Variants in LRP11 observed in about 807,000 individuals in gnomAD.
LRP11 encodes LDL receptor related protein 11.
LRP11 carries 25 observed loss-of-function variants against 43.1 expected under a neutral mutation model. That is an observed-to-expected ratio of 0.58 (90% CI 0.42 to 0.81). The LOEUF is 0.81. Ranked by LOEUF, LRP11 falls within the 30% of genes least tolerant of loss-of-function variation. The pLI, the probability that LRP11 is intolerant of heterozygous loss-of-function variation, is 0.00. For missense variants in LRP11, 623 were observed against 665.1 expected (o/e 0.94, Z 0.70); for synonymous variants, 316 against 299.4 (o/e 1.06, Z -0.57).
chr6:149,842,785 C>T, intron 3 of LRP11, 198 bp downstream of exon 3: 1 of 1,269,446 alleles, frequency 7.9e-7, no homozygotes, highest in South Asian at 1.3e-5. Flanking sequence ...TCCTCCACCC[C>T]AACCCAGTAG....
Position 149,863,655 on chromosome 6 carries a change from C to T in LRP11, c.366G>A (p.Ala122=), listed in dbSNP as rs941464878. 3.4e-6 allele frequency: 5 copies of T among 1,473,582 alleles called. No individual in the cohort carries two copies. Among genetic ancestry groups the T allele is most frequent in the Non-Finnish European group, 4.5e-6 (5 of 1,119,174 alleles). The allele number at this position is 1,473,582 out of a possible 1,614,324, so 91.3% of individuals were successfully genotyped here. The change falls in exon 1 of 7, where the codon GCG becomes GCA. Residue 122 remains alanine (A), a synonymous_variant. Transcript: ENST00000239367. Reference sequence around the variant, plus strand: ...CGCATTGCCGCCAGCCCCGCACGGCCGCCGGCGCCCGCAGGAAGCTGGCAC... The same window carrying T: ...CGCATTGCCGCCAGCCCCGCACGGCTGCCGGCGCCCGCAGGAAGCTGGCAC... ...AAGASFLRAP[A]AVRGWRQCVA...
chr6:149,825,657 AT>A (rs3036632), intron 6 of LRP11, among the ~76,000 whole-genome samples: 3,364 of 141,484 alleles, frequency 0.024, 95 homozygotes, highest in African/African-American at 0.072. Flanking sequence ...GTAAGTGAGA[AT>A]TTTTTTTTTT....
In LRP11 at chr6:149,863,960, C is replaced by T; in HGVS notation, c.61G>A (p.Ala21Thr). Residue 21 changes from alanine (A) to threonine (T), a missense_variant, in exon 1 of 7, where the codon GCG becomes ACG. Physicochemically the swap from Ala to Thr is moderately conservative, Grantham distance 58. Transcript: ENST00000239367. ...SQRRLPPRHGALRGLLLLCLW... is the reference protein window; with the variant it reads ...SQRRLPPRHGTLRGLLLLCLW... Reference sequence around the variant, plus strand: ...CAGAGCAGTAGCAGCCCGCGCAGCGCCCCGTGACGCGGCGGTAGCCGGCGC... The same window carrying T: ...CAGAGCAGTAGCAGCCCGCGCAGCGTCCCGTGACGCGGCGGTAGCCGGCGC... 1 of 1,428,944 alleles carries T rather than the reference C, an allele frequency of 7.0e-7. No individual in the cohort carries two copies. The highest frequency in any genetic ancestry group is 9.1e-7 in the Non-Finnish European group (1 of 1,098,136). 88.5% of individuals were successfully genotyped at this position (1,428,944 alleles called of 1,614,324 possible).
At chr6:149,826,948 AG>A (rs1243091473) in intron 5 of LRP11, among the ~76,000 whole-genome samples, 2 of 149,190 alleles carry the variant, frequency 1.3e-5, no homozygotes, top group Non-Finnish European at 3.0e-5. Context: ...TATAATACTG[AG>A]GGGGAAATTA....
At chr6:149,845,816 C>T (rs994595088) in intron 2 of LRP11, among the ~76,000 whole-genome samples, 6 of 151,684 alleles carry the variant, frequency 4.0e-5, no homozygotes, top group South Asian at 2.1e-4. Flanking sequence ...ATCAGAGAAT[C>T]AGATAAATAA....
intron 1 of LRP11, among the ~76,000 whole-genome samples, chr6:149,856,921 C>T (rs888376297): frequency 1.3e-5 from 2 of 152,146 alleles, no homozygotes; most frequent in South Asian, 2.1e-4. Context: ...CAGATACATG[C>T]GGTCAAAATC....
At chr6:149,832,158 G>A (rs1776415886) in intron 5 of LRP11, among the ~76,000 whole-genome samples, 2 of 148,184 alleles carry the variant, frequency 1.3e-5, no homozygotes, top group South Asian at 4.3e-4. Flanking sequence ...ATTAATCTTA[G>A]TATCTTGTTA....
chr6:149,827,025 G>A lies in LRP11; in HGVS notation c.1253-666C>T, dbSNP rs1776349793. Among the ~76,000 whole-genome samples the A allele has an allele frequency of 6.7e-6, 1 of 149,656 alleles. No homozygotes were observed. On this transcript the variant is annotated intron_variant, in intron 5 of 6. Transcript: ENST00000239367. The surrounding 1 kb of genome is among the most constrained non-coding windows in gnomAD (Gnocchi z 4.2). ...TCTGTTGCCCAGATTGGAGTGCAGT[G>A]GCACGATCTTGGCTCACTGCAACGT...
chr6:149,822,464 T>A lies in LRP11; in HGVS notation c.1349-1761A>T, dbSNP rs557690825. ...TAGAGGCTTCAGTGAGCTCTTAAACTGTACTCCAGCTTGGGTGGCAAAGTA... is the reference window on the plus strand; with the variant it reads ...TAGAGGCTTCAGTGAGCTCTTAAACAGTACTCCAGCTTGGGTGGCAAAGTA... On this transcript the variant is annotated intron_variant, in intron 6 of 6. Coordinates refer to ENST00000239367, the MANE Select transcript of LRP11 (RefSeq NM_032832.6). Among the ~76,000 whole-genome samples the A allele has an allele frequency of 3.3e-5, 5 of 150,756 alleles. No homozygotes were observed. In the South Asian group the frequency reaches 1.0e-3, roughly 32 times the overall value.
intron 6 of LRP11, 75 bp from the exon 7 acceptor site, chr6:149,820,778 C>T (rs1202021895): frequency 2.9e-5 from 21 of 722,588 alleles, no homozygotes; most frequent in South Asian, 1.7e-4. Flanking sequence ...CTATATGATA[C>T]GCGCTTTGCA....
chr6:149,864,047 C>T lies in LRP11; in HGVS notation c.-27G>A, dbSNP rs1776994006. 1.5e-6 allele frequency: 2 copies of T among 1,291,108 alleles called. No homozygotes were observed. Among genetic ancestry groups the T allele is most frequent in the South Asian group, 2.4e-5 (1 of 41,828 alleles). 80.0% of individuals were successfully genotyped at this position (1,291,108 alleles called of 1,614,324 possible). ...GCGACGAGAGCCAAGGGCAGCGAGC[C>T]GAGGCGGGGCTGAGCGCGGGAGGAA... On this transcript the variant is annotated 5_prime_UTR_variant, in exon 1 of 7. Transcript: ENST00000239367.
intron 1 of LRP11, among the ~76,000 whole-genome samples, chr6:149,857,927 C>G (rs1433379130): frequency 6.6e-6 from 1 of 152,176 alleles, no homozygotes; most frequent in Admixed American, 6.5e-5. Flanking sequence ...AAGAACTTAA[C>G]TTTCACAACG....
At chr6:149,842,738 AG>A in intron 3 of LRP11, 1 of 1,504,518 alleles carries the variant, frequency 6.6e-7, no homozygotes, top group Non-Finnish European at 9.0e-7. Flanking sequence ...TCGAGTCAAG[AG>A]AAGCGGGAGC....
intron 6 of LRP11, among the ~76,000 whole-genome samples, chr6:149,825,933 G>T (rs1254641963): frequency 6.6e-6 from 1 of 152,176 alleles, no homozygotes; most frequent in African/African-American, 2.4e-5. Flanking sequence ...ACAGGCGTGA[G>T]CCACTGTGCC....
chr6:149,847,824 TACACACACACACACACAC>T (rs57292379), intron 2 of LRP11, among the ~76,000 whole-genome samples: 5,210 of 131,128 alleles, frequency 0.04, 127 homozygotes, highest in Admixed American at 0.075. Context: ...TAAACTAAAT[TACACACACACACACACAC>T]ACACACACAC....
intron 5 of LRP11, among the ~76,000 whole-genome samples, chr6:149,829,693 TA>T (rs1488862808): frequency 6.6e-6 from 1 of 151,784 alleles, no homozygotes; most frequent in African/African-American, 2.4e-5. Context: ...TTTCACCCAA[TA>T]AAAAAAATAA....
rs2115366570 is a variant in LRP11 at position 149,819,819 on chromosome 6, A to T, written c.*730T>A. 1 of 152,340 alleles carries T rather than the reference A, an allele frequency of 6.6e-6. No individual in the cohort carries two copies. The highest frequency in any genetic ancestry group is 1.9e-4 in the East Asian group (1 of 5,192). The allele number at this position is 152,340 out of a possible 1,614,324, so 9.4% of individuals were successfully genotyped here. A position where few individuals can be genotyped will look rare whatever the true frequency, so the allele number is the denominator to read the frequency against. ...AACTAAGTTTCTGTTAGTTTTTGGCATGCCAGATTCTCTGCTTCCATCTTG... is the reference window on the plus strand; with the variant it reads ...AACTAAGTTTCTGTTAGTTTTTGGCTTGCCAGATTCTCTGCTTCCATCTTG... On this transcript the variant is annotated 3_prime_UTR_variant, in exon 7 of 7. Transcript: ENST00000239367.
chr6:149,863,588 C>T lies in LRP11; in HGVS notation c.433G>A (p.Val145Met), dbSNP rs932457376. 6 of 1,424,266 alleles carry T rather than the reference C, an allele frequency of 4.2e-6. No homozygotes were observed. The highest frequency in any genetic ancestry group is 1.5e-5 in the African/African-American group (1 of 66,918). 88.2% of individuals were successfully genotyped at this position (1,424,266 alleles called of 1,614,324 possible). The change falls in exon 1 of 7, where the codon GTG (valine) becomes ATG (methionine). Residue 145 changes from valine (V) to methionine (M), a missense_variant. Transcript: ENST00000239367. Reference sequence around the variant, plus strand: ...GGCGCGGGGCGCCGGGGCAGCTCCACCACGGCCACGGAGCAGCGCGGCTCG... The same window carrying T: ...GGCGCGGGGCGCCGGGGCAGCTCCATCACGGCCACGGAGCAGCGCGGCTCG... ...CSEPRCSVAVVELPRRPAPPA... is the reference protein window; with the variant it reads ...CSEPRCSVAVMELPRRPAPPA...
chr6:149,836,541 G>A (rs544732224), intron 4 of LRP11, among the ~76,000 whole-genome samples: 124 of 152,268 alleles, frequency 8.1e-4, no homozygotes, highest in Non-Finnish European at 1.5e-3. Context: ...GGCCCAGCAC[G>A]GTGGCTCATG....
Sources: gnomAD v4.1 joint callset for allele counts (sites outside exome capture counted in the v4.1 genomes callset) on GRCh38, gnomAD v4.1.1 for gene constraint, Gnocchi (gnomAD v3.1) non-coding constraint, MANE v1.5 for transcripts, NCBI Gene and HGNC (gene_info 2026-07-23, HGNC 2026-07-21) for gene names.